The following SPTA1 variants were observed in gnomAD, a reference collection of about 807,000 sequenced individuals.
The protein encoded by SPTA1 is spectrin alpha chain, erythrocytic 1.
SPTA1 carries 177 observed loss-of-function variants against 324.7 expected under a neutral mutation model. That is an observed-to-expected ratio of 0.55 (90% confidence interval 0.48 to 0.62). The LOEUF (loss-of-function observed/expected upper bound fraction) is 0.62. SPTA1 is among the 20% of genes least tolerant of loss of function. The probability of loss-of-function intolerance (pLI) is 0.00; values close to 1 mark genes in which losing one functional copy is unlikely to be tolerated. For synonymous variants in SPTA1, 1,195 were observed against 1,041.3 expected, an observed-to-expected ratio of 1.15 and a Z score of -2.84; for missense variants, 3,162 against 2,883.6, an observed-to-expected ratio of 1.10 and a Z score of -2.21.
chr1:158,636,501 T>C (rs865855390), intron 37 of SPTA1, 140 bp downstream of exon 37: 8 of 986,348 alleles, frequency 8.1e-6, no homozygotes, highest in African/African-American at 3.3e-5. Flanking sequence ...GAGAAAAGAA[T>C]ATTTGTAAAC....
intron 26 of SPTA1, 48 bp downstream of exon 26, chr1:158,648,461 A>G (rs987772663): frequency 1.2e-6 from 2 of 1,612,858 alleles, no homozygotes; most frequent in East Asian, 2.2e-5. Context: ...GTATACGGCT[A>G]AATATAGACT....
intron 27 of SPTA1, among the ~76,000 whole-genome samples, chr1:158,645,847 A>G (rs543911526): frequency 9.9e-5 from 15 of 152,254 alleles, no homozygotes; most frequent in African/African-American, 3.4e-4. Flanking sequence ...GATTCCGGGA[A>G]TTTTTTGTTT....
intron 50 of SPTA1, 101 bp downstream of exon 50, chr1:158,613,620 C>T: frequency 1.3e-6 from 2 of 1,551,840 alleles, no homozygotes; most frequent in Non-Finnish European, 1.8e-6. Flanking sequence ...TTCCTATTTT[C>T]AGATGAGTTA....
At chr1:158,638,478 G>A (rs569664727) in intron 35 of SPTA1, among the ~76,000 whole-genome samples, 1 of 152,212 alleles carries the variant, frequency 6.6e-6, no homozygotes, top group Non-Finnish European at 1.5e-5. Context: ...CCTGTGTCCT[G>A]TTTCTCCTTC....
intron 12 of SPTA1, 152 bp downstream of exon 12, chr1:158,671,191 A>T (rs1297481249): frequency 1.5e-6 from 1 of 675,986 alleles, no homozygotes; most frequent in Non-Finnish European, 2.7e-6. Context: ...AAATAAACAC[A>T]CCAACAACGA....
At chr1:158,626,712 G>A (rs1650295933) in intron 41 of SPTA1, 127 bp downstream of exon 41, 3 of 1,167,532 alleles carry the variant, frequency 2.6e-6, no homozygotes, top group Non-Finnish European at 2.5e-6. Context: ...GTCCAGAAAG[G>A]ATAGGAATGG....
chr1:158,636,027 A>G lies in SPTA1; in HGVS notation c.5318T>C (p.Leu1773Pro), dbSNP rs1329832522. 1.7e-5 allele frequency: 28 copies of G among 1,614,022 alleles called. No homozygotes were observed. Among genetic ancestry groups the G allele is most frequent in the Non-Finnish European group, 2.3e-5 (27 of 1,180,018 alleles). ...GTCTTTCAGCTTCTCTGCCATATCC[A>G]GCACATTCTGAAGAACAACCCCGAT... ...VAHEPAIQNVLDMAEKLKDKA... is the reference protein window; with the variant it reads ...VAHEPAIQNVPDMAEKLKDKA... The change falls in exon 38 of 52, where the codon CTG becomes CCG. Residue 1773 changes from leucine (L) to proline (P), a missense_variant. Transcript: ENST00000643759.
chr1:158,652,375 C>G (rs1374586025), intron 23 of SPTA1, 92 bp downstream of exon 23: 3 of 1,428,128 alleles, frequency 2.1e-6, no homozygotes, highest in Non-Finnish European at 2.9e-6. Context: ...GAATATTTAA[C>G]AAGTGTGAAA....
chr1:158,611,333 G>T lies in SPTA1; in HGVS notation c.7191C>A (p.Asp2397Glu). Reference sequence around the variant, plus strand: ...CAGAGAGATGGCTTCGACCCCGTGGGTCCATATATTGCTGCATATGTGTGG... The same window carrying T: ...CAGAGAGATGGCTTCGACCCCGTGGTTCCATATATTGCTGCATATGTGTGG... ...FCATHMQQYMDPRGRSHLSGY... is the reference protein window; with the variant it reads ...FCATHMQQYMEPRGRSHLSGY... Residue 2397 changes from aspartate (D) to glutamate (E), a missense_variant, in exon 52 of 52, where the codon GAC (aspartate) becomes GAA (glutamate). By Grantham distance (45) the Asp-to-Glu change is conservative. Coordinates refer to ENST00000643759, the MANE Select transcript of SPTA1 (RefSeq NM_003126.4). The T allele has an allele frequency of 1.2e-6, 2 of 1,613,770 alleles. No individual in the cohort carries two copies. The highest frequency in any genetic ancestry group is 1.7e-6 in the Non-Finnish European group (2 of 1,179,774).
In SPTA1 at chr1:158,672,048, C is replaced by T; in HGVS notation, c.1488+11G>A. 1 of 1,613,680 alleles carries T rather than the reference C, an allele frequency of 6.2e-7. No individual in the cohort carries two copies. Among genetic ancestry groups the T allele is most frequent in the Non-Finnish European group, 8.5e-7 (1 of 1,179,828 alleles). On this transcript the variant is annotated intron_variant, in intron 11 of 51. Transcript: ENST00000643759. ...ATTACTTCTAGAGATGGTATGGACC[C>T]CTCCCGTTACCTCTTGTCTACTCAT...
intron 3 of SPTA1, among the ~76,000 whole-genome samples, 198 bp downstream of exon 3, chr1:158,683,173 C>T (rs1654925547): frequency 6.6e-6 from 1 of 152,084 alleles, no homozygotes; most frequent in African/African-American, 2.4e-5. Context: ...TTAATGACAG[C>T]TTTAATATCA....
chr1:158,617,936 C>A, intron 46 of SPTA1, 103 bp downstream of exon 46: 1 of 1,109,260 alleles, frequency 9.0e-7, no homozygotes. Flanking sequence ...TACATACTAC[C>A]AGATTACAAT....
At chr1:158,661,905 A>G (rs1653245685) in intron 17 of SPTA1, among the ~76,000 whole-genome samples, 1 of 152,228 alleles carries the variant, frequency 6.6e-6, no homozygotes, top group African/African-American at 2.4e-5. Flanking sequence ...CATTGATTGC[A>G]TAGCATTAAC....
chr1:158,652,426 C>T, intron 23 of SPTA1, 41 bp downstream of exon 23: 2 of 1,607,894 alleles, frequency 1.2e-6, no homozygotes, highest in Non-Finnish European at 1.7e-6. Context: ...GGGATAAAAG[C>T]AAACAATGGC....
Position 158,647,737 on chromosome 1 carries a change from G to T in SPTA1, c.3715-17C>A, listed in dbSNP as rs1052177139. The T allele has an allele frequency of 3.1e-6, 5 of 1,613,528 alleles. No homozygotes were observed. Among genetic ancestry groups the T allele is most frequent in the Admixed American group, 1.7e-5 (1 of 59,928 alleles). On this transcript the variant is annotated splice_polypyrimidine_tract_variant and intron_variant, in intron 26 of 51. Coordinates refer to ENST00000643759, the MANE Select transcript of SPTA1 (RefSeq NM_003126.4). Reference sequence around the variant, plus strand: ...TATGGTCACCTGGGGAGGTACAATAGCTCTGATAATCAGCCTAGAGACACA... The same window carrying T: ...TATGGTCACCTGGGGAGGTACAATATCTCTGATAATCAGCCTAGAGACACA...
At chr1:158,622,932 G>T in intron 43 of SPTA1, 51 bp downstream of exon 43, 1 of 1,470,792 alleles carries the variant, frequency 6.8e-7, no homozygotes, top group Non-Finnish European at 9.5e-7. Flanking sequence ...GAATTTCATG[G>T]CTAATATACA....
At chr1:158,683,919 G>A (rs857936) in intron 2 of SPTA1, among the ~76,000 whole-genome samples, 50,237 of 151,602 alleles carry the variant, frequency 0.33, 9,439 homozygotes, top group South Asian at 0.55. Flanking sequence ...ATTCAATATA[G>A]CACATTATTT....
chr1:158,656,887 A>G (rs567786849), intron 19 of SPTA1, among the ~76,000 whole-genome samples: 29 of 152,338 alleles, frequency 1.9e-4, no homozygotes, highest in East Asian at 1.3e-3. Flanking sequence ...TTGCAAAAGT[A>G]TTTTTATCAA....
intron 33 of SPTA1, among the ~76,000 whole-genome samples, 173 bp from the exon 34 acceptor site, chr1:158,640,180 T>A (rs926151715): frequency 3.3e-5 from 5 of 152,154 alleles, no homozygotes; most frequent in African/African-American, 1.2e-4. Flanking sequence ...CAATAGGAGT[T>A]GTTGGACAAA....
Sources: gnomAD v4.1 joint callset for allele counts (sites outside exome capture counted in the v4.1 genomes callset) on GRCh38, gnomAD v4.1.1 for gene constraint, MANE v1.5 for transcripts, NCBI Gene and HGNC (gene_info 2026-07-23, HGNC 2026-07-21) for gene names.